The following FBXO4 variants were observed in gnomAD, a reference collection of about 807,000 sequenced individuals.
FBXO4 encodes F-box only protein 4.
FBXO4 carries 36 observed loss-of-function variants against 43.7 expected under a neutral mutation model. That is an observed-to-expected ratio of 0.82 (90% confidence interval 0.63 to 1.09). The LOEUF (loss-of-function observed/expected upper bound fraction) is 1.09, where lower values mean the gene tolerates loss of function less well. FBXO4 is among the 50% of genes least tolerant of loss of function. The probability of loss-of-function intolerance (pLI) is 0.00; values close to 1 mark genes in which losing one functional copy is unlikely to be tolerated. For synonymous variants in FBXO4, 180 were observed against 165.6 expected, an observed-to-expected ratio of 1.09 and a Z score of -0.67; for missense variants, 435 against 474.1, an observed-to-expected ratio of 0.92 and a Z score of 0.77.
chr5:42,016,571 T>C, the FBXO4 span, among the ~76,000 whole-genome samples: 18 of 152,134 alleles, frequency 1.2e-4, no homozygotes, highest in East Asian at 3.3e-3. Context: ...TAATTTTAAA[T>C]AAACAATTTT....
chr5:41,999,545 GTATATATATA>G, the FBXO4 span, among the ~76,000 whole-genome samples: 9 of 103,412 alleles, frequency 8.7e-5, no homozygotes, highest in African/African-American at 1.3e-4. Flanking sequence ...ACATATATAT[GTATATATATA>G]TATATATGTA....
At chr5:41,947,788 G>C in the FBXO4 span, among the ~76,000 whole-genome samples, 2 of 152,158 alleles carry the variant, frequency 1.3e-5, no homozygotes, top group Admixed American at 6.5e-5. Context: ...AGAGTTTTGA[G>C]TGATGATAGT....
intron 1 of FBXO4, 24 bp from the exon 2 acceptor site, chr5:41,926,989 A>G (rs1299442975): frequency 3.4e-6 from 5 of 1,454,290 alleles, no homozygotes; most frequent in East Asian, 4.7e-5. Context: ...CCTTTTTCCT[A>G]CCTGCTGCTT....
the FBXO4 span, among the ~76,000 whole-genome samples, chr5:41,963,670 G>A: frequency 1.3e-5 from 2 of 152,072 alleles, no homozygotes; most frequent in Non-Finnish European, 2.9e-5. Context: ...TCCATTAAGT[G>A]GAAGTGAATC....
the FBXO4 span, among the ~76,000 whole-genome samples, chr5:41,983,742 T>C: frequency 6.6e-6 from 1 of 152,124 alleles, no homozygotes; most frequent in East Asian, 1.9e-4. Context: ...TTGATTCTTT[T>C]GTTAATAATT....
chr5:42,033,481 C>T, the FBXO4 span, among the ~76,000 whole-genome samples: 1 of 152,008 alleles, frequency 6.6e-6, no homozygotes, highest in Non-Finnish European at 1.5e-5. Flanking sequence ...CACCTATCAA[C>T]CTGTCATCTA....
intron 5 of FBXO4, 171 bp from the exon 6 acceptor site, chr5:41,939,270 T>G: frequency 6.0e-6 from 3 of 503,872 alleles, no homozygotes; most frequent in East Asian, 3.1e-5. Context: ...GTATCAAGCA[T>G]TTTTGCTTTT....
chr5:41,986,195 C>T, the FBXO4 span, among the ~76,000 whole-genome samples: 1 of 152,096 alleles, frequency 6.6e-6, no homozygotes, highest in Non-Finnish European at 1.5e-5. Flanking sequence ...GCAGGTTCCA[C>T]CTACATTGTG....
the FBXO4 span, among the ~76,000 whole-genome samples, chr5:41,996,778 G>A: frequency 6.6e-6 from 1 of 152,100 alleles, no homozygotes; most frequent in African/African-American, 2.4e-5. Context: ...TCACTAGAAA[G>A]AATACCTCAG....
chr5:42,031,369 A>G, the FBXO4 span, among the ~76,000 whole-genome samples: 2 of 151,498 alleles, frequency 1.3e-5, no homozygotes, highest in African/African-American at 4.9e-5. Context: ...CAAAAAAACC[A>G]AACACCACAT....
rs1208335132 is a variant in FBXO4 at position 41,939,590 on chromosome 5, C to A, written c.1048C>A (p.Leu350Met). The stretch of plus-strand genomic sequence containing the variant: ...TTTTTATTTGGCTCATGAGCTGCAT[C>A]TGAATCTTCTAAATCACCCATGGCT... Reference protein sequence around the residue: ...PCFYLAHELHLNLLNHPWLVQ... With the variant: ...PCFYLAHELHMNLLNHPWLVQ... The change falls in exon 6 of 7, where the codon CTG becomes ATG. Residue 350 changes from leucine to methionine, a missense_variant. Coordinates refer to ENST00000281623, the MANE Select transcript of FBXO4 (RefSeq NM_012176.3). The A allele has an allele frequency of 1.9e-6, 3 of 1,612,816 alleles. No homozygotes were observed. Among genetic ancestry groups the A allele is most frequent in the Non-Finnish European group, 2.5e-6 (3 of 1,179,320 alleles).
At chr5:41,933,146 C>T (rs1319653090) in intron 3 of FBXO4, among the ~76,000 whole-genome samples, 1 of 152,186 alleles carries the variant, frequency 6.6e-6, no homozygotes, top group African/African-American at 2.4e-5. Flanking sequence ...TATAATCCAA[C>T]TCTGACGAAT....
the FBXO4 span, among the ~76,000 whole-genome samples, chr5:41,984,754 G>A: frequency 3.9e-5 from 6 of 151,906 alleles, no homozygotes; most frequent in African/African-American, 9.7e-5. Flanking sequence ...CGAGTGATTC[G>A]CCCACCTCGG....
the FBXO4 span, among the ~76,000 whole-genome samples, chr5:41,955,187 C>T: frequency 3.2e-4 from 48 of 152,234 alleles, no homozygotes; most frequent in African/African-American, 1.1e-3. Flanking sequence ...TTTGCCTATT[C>T]ACAAAATTCG....
At chr5:41,955,370 G>A in the FBXO4 span, among the ~76,000 whole-genome samples, 1 of 152,036 alleles carries the variant, frequency 6.6e-6, no homozygotes, top group Admixed American at 6.6e-5. Flanking sequence ...TGAAGATGAA[G>A]GGTAAATTTG....
chr5:41,979,670 G>C, the FBXO4 span, among the ~76,000 whole-genome samples: 3 of 152,174 alleles, frequency 2.0e-5, no homozygotes, highest in East Asian at 5.8e-4. Context: ...GCATACCACT[G>C]TTAAGCTCAG....
chr5:41,927,890 A>T (rs1561167233), intron 2 of FBXO4, among the ~76,000 whole-genome samples: 1 of 152,244 alleles, frequency 6.6e-6, no homozygotes, highest in Non-Finnish European at 1.5e-5. Context: ...CTGGAACCCC[A>T]TTATGCTACC....
chr5:41,985,264 C>A, the FBXO4 span, among the ~76,000 whole-genome samples: 4 of 152,066 alleles, frequency 2.6e-5, no homozygotes, highest in Non-Finnish European at 4.4e-5. Context: ...CATACTAAAC[C>A]ATCTCTTTAT....
the FBXO4 span, among the ~76,000 whole-genome samples, chr5:41,968,823 T>C: frequency 6.6e-6 from 1 of 152,182 alleles, no homozygotes; most frequent in Non-Finnish European, 1.5e-5. Flanking sequence ...TTCTTTTGAA[T>C]TTCATTGACA....
Sources: allele counts gnomAD v4.1 joint callset (sites outside exome capture counted in the v4.1 genomes callset), GRCh38; gene constraint gnomAD v4.1.1; transcripts MANE v1.5; gene names NCBI Gene and HGNC (gene_info 2026-07-23, HGNC 2026-07-21).